CNGA1: variants seen among roughly 807,000 people sequenced by gnomAD.
The protein encoded by CNGA1 is cyclic nucleotide-gated channel alpha-1.
A neutral mutation model predicts 69.7 loss-of-function variants in CNGA1; 53 were observed. That is an observed-to-expected ratio of 0.76 (90% CI 0.61 to 0.96). The LOEUF is 0.96. Among genes scored for constraint, CNGA1 ranks in the 40% least tolerant of loss-of-function variants. CNGA1 has a pLI of 0.00. For synonymous variants in CNGA1, 249 were observed against 283.5 expected (o/e 0.88, Z 1.22); for missense variants, 739 against 811.2 (o/e 0.91, Z 1.08).
chr4:47,987,574 C>A (rs868081116), intron 2 of CNGA1, among the ~76,000 whole-genome samples: 1 of 152,106 alleles, frequency 6.6e-6, no homozygotes, highest in Non-Finnish European at 1.5e-5. Flanking sequence ...ATGACAGGCT[C>A]TCTTCTAAGC....
intron 2 of CNGA1, among the ~76,000 whole-genome samples, chr4:48,009,912 A>T (rs563092997): frequency 6.6e-6 from 1 of 152,324 alleles, no homozygotes; most frequent in African/African-American, 2.4e-5. Flanking sequence ...GAGCTCTTTT[A>T]TATATTTTCA....
chr4:47,967,703 G>C (rs1560296324), intron 3 of CNGA1, among the ~76,000 whole-genome samples: 1 of 152,162 alleles, frequency 6.6e-6, no homozygotes, highest in African/African-American at 2.4e-5. Context: ...ATACCGCTGG[G>C]TGCAGTGGCT....
At chr4:47,992,653 ATTTATTAT>A (rs913791038) in intron 2 of CNGA1, among the ~76,000 whole-genome samples, 23 of 112,710 alleles carry the variant, frequency 2.0e-4, no homozygotes, top group Admixed American at 9.2e-4. Flanking sequence ...TTTGGATGCC[ATTTATTAT>A]TTATTTATTT....
intron 3 of CNGA1, among the ~76,000 whole-genome samples, chr4:47,970,155 C>G (rs1459981578): frequency 6.6e-6 from 1 of 152,158 alleles, no homozygotes; most frequent in Non-Finnish European, 1.5e-5. Flanking sequence ...AGTAGCCAAA[C>G]TGTTAATACC....
chr4:47,959,844 G>A (rs576852735), intron 3 of CNGA1, among the ~76,000 whole-genome samples: 21 of 152,186 alleles, frequency 1.4e-4, no homozygotes, highest in African/African-American at 4.6e-4. Context: ...GACCTCAAGC[G>A]ACCTGCCCGC....
chr4:47,987,435 G>A (rs575464254), intron 2 of CNGA1, among the ~76,000 whole-genome samples: 13 of 152,190 alleles, frequency 8.5e-5, no homozygotes, highest in African/African-American at 2.9e-4. Flanking sequence ...TATTTCCCCT[G>A]TAGGAACTGT....
intron 2 of CNGA1, among the ~76,000 whole-genome samples, chr4:47,983,934 T>G (rs1333064301): frequency 6.6e-6 from 1 of 152,190 alleles, no homozygotes; most frequent in African/African-American, 2.4e-5. Context: ...GTTACTAGAT[T>G]TGGCAACTAA....
At chr4:48,000,827 G>A (rs983611778) in intron 2 of CNGA1, among the ~76,000 whole-genome samples, 1 of 152,114 alleles carries the variant, frequency 6.6e-6, no homozygotes, top group Non-Finnish European at 1.5e-5. Context: ...TTAATGTGCT[G>A]AAAGTAAAGA....
rs2109362038 is a variant in CNGA1, at chr4:48,016,503, G to A, written c.-243C>T. On this transcript the variant is annotated 5_prime_UTR_variant, in exon 1 of 11. Coordinates refer to ENST00000514170, the MANE Select transcript of CNGA1 (RefSeq NM_001379270.1). The stretch of plus-strand genomic sequence containing the variant: ...GTTACCTTGGCGGGCTCCACGCTCC[G>A]AGAGACGCTGTTGCTCTATGAGGCG... 2.7e-6 allele frequency: 1 copy of A among 372,306 alleles called. No homozygotes were observed. Among genetic ancestry groups the A allele is most frequent in the Non-Finnish European group, 4.8e-6 (1 of 207,820 alleles). 23.1% of individuals were successfully genotyped at this position (372,306 alleles called of 1,614,324 possible).
In CNGA1 at chr4:47,936,394, T is replaced by A; in HGVS notation, c.*27A>T. 6.2e-7 allele frequency: 1 copy of A among 1,606,398 alleles called. No homozygotes were observed. The highest frequency in any genetic ancestry group is 8.5e-7 in the Non-Finnish European group (1 of 1,173,004). On this transcript the variant is annotated 3_prime_UTR_variant, in exon 11 of 11. Coordinates refer to ENST00000514170, the MANE Select transcript of CNGA1 (RefSeq NM_001379270.1). ...AGGATCAAAAGGATCATGAGGCATG[T>A]CCCTGTTAATGACCAGCTTTTCGGT... is the stretch of plus-strand genomic sequence containing the variant.
intron 3 of CNGA1, among the ~76,000 whole-genome samples, chr4:47,976,451 TC>T (rs1048250389): frequency 1.3e-5 from 2 of 150,848 alleles, no homozygotes; most frequent in African/African-American, 2.4e-5. Context: ...TCTCTTTATA[TC>T]CCCTGAGAGA....
In CNGA1 at chr4:48,010,912, A is replaced by G. The variant is rs1715129906; in HGVS notation, c.-222-19T>C. 1 of 152,462 alleles carries G rather than the reference A, an allele frequency of 6.6e-6. No individual in the cohort carries two copies. Among genetic ancestry groups the G allele is most frequent in the Non-Finnish European group, 1.5e-5 (1 of 68,170 alleles). 9.4% of individuals were successfully genotyped at this position (152,462 alleles called of 1,614,324 possible). ...GCTCGAGCTGTAACAAACATGGACCAGAAGAGTGCAGTTGCAAGATTTAAT... is the reference window on the plus strand; with the variant it reads ...GCTCGAGCTGTAACAAACATGGACCGGAAGAGTGCAGTTGCAAGATTTAAT... On this transcript the variant is annotated intron_variant, in intron 1 of 10. Transcript: ENST00000514170.
intron 2 of CNGA1, among the ~76,000 whole-genome samples, chr4:48,008,280 C>T (rs921833309): frequency 6.6e-6 from 1 of 152,072 alleles, no homozygotes; most frequent in Non-Finnish European, 1.5e-5. Flanking sequence ...TCTTAAACAA[C>T]CAGTCATTTT....
rs762844454 is a variant in CNGA1, at chr4:47,937,317, C to T, written c.1165G>A (p.Val389Ile). 21 of 1,613,958 alleles carry T rather than the reference C, an allele frequency of 1.3e-5. No individual in the cohort carries two copies. The highest frequency in any genetic ancestry group is 1.2e-4 in the South Asian group (11 of 91,082). The change falls in exon 11 of 11, where the codon GTT becomes ATT. Residue 389 changes from valine (V) to isoleucine (I), a missense_variant. Coordinates refer to ENST00000514170, the MANE Select transcript of CNGA1 (RefSeq NM_001379270.1). ...LIGVLIFATI[V>I]GNIGSMISNM... ...GAAATCATAGAACCTATGTTACCAA[C>T]GATGGTAGCAAAAATTAACACTCCA...
chr4:47,984,571 T>G (rs893015434), intron 2 of CNGA1, among the ~76,000 whole-genome samples: 3 of 151,226 alleles, frequency 2.0e-5, no homozygotes, highest in Non-Finnish European at 1.5e-5. Context: ...TGAGCCAAGA[T>G]AGTGCTACTG....
At chr4:47,982,786 TG>T (rs1741785649) in intron 2 of CNGA1, among the ~76,000 whole-genome samples, 2 of 152,278 alleles carry the variant, frequency 1.3e-5, no homozygotes, top group Non-Finnish European at 1.5e-5. Flanking sequence ...TTTTTTCCTC[TG>T]GTCTAAAACA....
At chr4:47,990,123 C>A (rs763814145) in intron 2 of CNGA1, among the ~76,000 whole-genome samples, 1 of 151,878 alleles carries the variant, frequency 6.6e-6, no homozygotes, top group Non-Finnish European at 1.5e-5. Context: ...GGTGTTTGAA[C>A]AATATGAAAT....
At chr4:47,990,675 G>T (rs912457744) in intron 2 of CNGA1, among the ~76,000 whole-genome samples, 4 of 151,994 alleles carry the variant, frequency 2.6e-5, no homozygotes, top group African/African-American at 9.7e-5. Flanking sequence ...TTGCGGCTCG[G>T]CGTCACCATC....
chr4:47,939,143 A>G (rs1738910321), intron 10 of CNGA1, among the ~76,000 whole-genome samples: 1 of 152,170 alleles, frequency 6.6e-6, no homozygotes, highest in Non-Finnish European at 1.5e-5. Context: ...TGGTCACCAG[A>G]AAGACTAAGT....
Sources: gnomAD v4.1 joint callset for allele counts (sites outside exome capture counted in the v4.1 genomes callset) on GRCh38, gnomAD v4.1.1 for gene constraint, MANE v1.5 for transcripts, NCBI Gene and HGNC (gene_info 2026-07-23, HGNC 2026-07-21) for gene names.